The following COL4A1 variants were observed in gnomAD, a reference collection of about 807,000 sequenced individuals.
The protein encoded by COL4A1 is collagen type IV alpha 1 chain, also known as collagen alpha-1(IV) chain.
A neutral mutation model predicts 216.6 loss-of-function variants in COL4A1; 40 were observed. The ratio of observed to expected loss-of-function variants is 0.18; its 90% CI spans 0.14 to 0.24. The LOEUF (loss-of-function observed/expected upper bound fraction) is 0.24. Among genes scored for constraint, COL4A1 ranks in the 10% least tolerant of loss-of-function variants. The pLI is 1.00. For synonymous variants in COL4A1, 839 were observed against 810.7 expected (o/e 1.03, Z -0.59); for missense variants, 1,628 against 2,196.8 (o/e 0.74, Z 5.18).
In COL4A1 at chr13:110,152,384, T is replaced by C; in HGVS notation, c.4878A>G (p.Ala1626=). The C allele has an allele frequency of 3.7e-6, 6 of 1,614,180 alleles. No individual in the cohort carries two copies. The highest frequency in any genetic ancestry group is 5.1e-6 in the Non-Finnish European group (6 of 1,180,036). ...CHGRGTCNYY[A]NAYSFWLATI... is the part of the protein sequence containing the mutation. ...TGGCGAGCCAAAAGCTGTAAGCGTT[T>C]GCGTAGTAATTGCAGGTCCCACGGC... The change falls in exon 51 of 52, where the codon GCA becomes GCG. Residue 1626 remains alanine (A), a synonymous_variant. Transcript: ENST00000375820.
intron 41 of COL4A1, among the ~76,000 whole-genome samples, chr13:110,172,277 GCT>G (rs1877682031): frequency 6.6e-6 from 1 of 152,210 alleles, no homozygotes; most frequent in Non-Finnish European, 1.5e-5. Flanking sequence ...GCCTTCCCAA[GCT>G]CCTGGCCAAC....
chr13:110,161,181 G>T lies in COL4A1; in HGVS notation c.4640+11C>A. ...CAATTTTGCATTTGTTCCTACAGAT[G>T]CTCGACTCACCTACTAATAAATGGT... On this transcript the variant is annotated intron_variant, in intron 49 of 51. Transcript: ENST00000375820. 6.2e-7 allele frequency: 1 copy of T among 1,613,820 alleles called. No individual in the cohort carries two copies. Among genetic ancestry groups the T allele is most frequent in the African/African-American group, 1.3e-5 (1 of 75,036 alleles).
chr13:110,165,221 G>A (rs867711549), intron 45 of COL4A1, among the ~76,000 whole-genome samples: 1 of 152,130 alleles, frequency 6.6e-6, no homozygotes, highest in Non-Finnish European at 1.5e-5. Context: ...GGGCATCAGC[G>A]TAACTTCCCA....
chr13:110,300,409 T>C (rs552445807), intron 1 of COL4A1, among the ~76,000 whole-genome samples: 1 of 152,220 alleles, frequency 6.6e-6, no homozygotes, highest in Non-Finnish European at 1.5e-5. Flanking sequence ...AAACATTGAA[T>C]TACAGCTGGA....
rs1006770077 is a variant in COL4A1 at position 110,191,567 on chromosome 13, G to A, written c.1536+647C>T. ...GATTCTTTTAAAACAAACTACAAAAGCTAAGAAGCTGGTATTTTGTTCCAT... is the reference window on the plus strand; with the variant it reads ...GATTCTTTTAAAACAAACTACAAAAACTAAGAAGCTGGTATTTTGTTCCAT... On this transcript the variant is annotated intron_variant, in intron 24 of 51. Transcript: ENST00000375820. 5.1e-5 allele frequency: 32 copies of A among 625,976 alleles called. No homozygotes were observed. The African/African-American group carries it at 5.9e-4, about 12-fold the overall frequency. The allele number at this position is 625,976 out of a possible 1,614,324, so 38.8% of individuals were successfully genotyped here.
Position 110,261,035 on chromosome 13 carries a change from T to TAAAAAAAAAAAAAA in COL4A1, c.85-18302_85-18301insTTTTTTTTTTTTTT, listed in dbSNP as rs1303970828. 8.4e-3 allele frequency among the ~76,000 whole-genome samples: 353 copies of TAAAAAAAAAAAAAA among 42,098 alleles called. 36 individuals are homozygous for TAAAAAAAAAAAAAA. Among genetic ancestry groups the TAAAAAAAAAAAAAA allele is most frequent in the Middle Eastern group, 0.02 (1 of 50 alleles). The allele number at this position is 42,098 out of a possible 152,430, so 27.6% of individuals were successfully genotyped here. On this transcript the variant is annotated intron_variant, in intron 1 of 51. Transcript: ENST00000375820. ...CTGGGTGACAGAGCGAGACTCCGTCTCAAAAAAAAAAAAAAAAAAGGCCAA... is the reference window on the plus strand; with the variant it reads ...CTGGGTGACAGAGCGAGACTCCGTCTAAAAAAAAAAAAAACAAAAAAAAAAAAAAAAAAGGCCAA...
intron 1 of COL4A1, among the ~76,000 whole-genome samples, chr13:110,284,000 G>A (rs1472614439): frequency 6.6e-6 from 1 of 152,086 alleles, no homozygotes; most frequent in Non-Finnish European, 1.5e-5. Flanking sequence ...TCTGTCCGGT[G>A]ATGGCCACAG....
intron 36 of COL4A1, 141 bp from the exon 37 acceptor site, chr13:110,175,498 T>C: frequency 1.4e-6 from 2 of 1,426,150 alleles, no homozygotes; most frequent in Non-Finnish European, 1.9e-6. Context: ...GATACAAGAA[T>C]GCACATCCCT....
At position 110,198,585 on chromosome 13, in the gene COL4A1, T is replaced by G. The variant is rs1238762876; in HGVS notation, c.1167A>C (p.Glu389Asp). 6.2e-7 allele frequency: 1 copy of G among 1,614,038 alleles called. No homozygotes were observed. Among genetic ancestry groups the G allele is most frequent in the Non-Finnish European group, 8.5e-7 (1 of 1,180,014 alleles). ...ATCCTCGGTCACCTTTTTCTCCTCT[T>G]TCACCAGGGAAGCCAGGGGCACCAG... Reference protein sequence around the residue: ...GQAGAPGFPGERGEKGDRGFP... With the variant: ...GQAGAPGFPGDRGEKGDRGFP... Residue 389 changes from glutamate (E) to aspartate (D), a missense_variant, in exon 21 of 52, where the codon GAA becomes GAC. Around this residue, in one of 8 missense-constraint regions of COL4A1, gnomAD observed 701 missense variants for 892.5 expected, o/e 0.79. Transcript: ENST00000375820.
intron 1 of COL4A1, among the ~76,000 whole-genome samples, chr13:110,243,871 C>T (rs1047013556): frequency 6.6e-6 from 1 of 152,170 alleles, no homozygotes; most frequent in South Asian, 2.1e-4. Flanking sequence ...GAAATTAGAA[C>T]CCAACTTCAA....
intron 33 of COL4A1, among the ~76,000 whole-genome samples, chr13:110,177,569 C>G (rs891703032): frequency 1.3e-5 from 2 of 152,122 alleles, no homozygotes; most frequent in Admixed American, 6.5e-5. Context: ...GCTGAAGATT[C>G]CACCATTTCT....
At chr13:110,293,594 A>G (rs1307959367) in intron 1 of COL4A1, among the ~76,000 whole-genome samples, 3 of 152,224 alleles carry the variant, frequency 2.0e-5, no homozygotes, top group Non-Finnish European at 1.5e-5. Flanking sequence ...ACCCAAACTC[A>G]GGCCTGCACT....
At chr13:110,195,350 T>C (rs767650636) in intron 21 of COL4A1, among the ~76,000 whole-genome samples, 3 of 152,208 alleles carry the variant, frequency 2.0e-5, no homozygotes, top group Admixed American at 6.5e-5. Context: ...CATTTCTATT[T>C]CACAAATTCT....
chr13:110,178,214 C>T lies in COL4A1; in HGVS notation c.2476G>A (p.Gly826Arg), dbSNP rs779859277. Residue 826 changes from glycine to arginine, a missense_variant, in exon 32 of 52, where the codon GGA becomes AGA. Gly to Arg is a moderately radical substitution (Grantham distance 125). Coordinates refer to ENST00000375820, the MANE Select transcript of COL4A1 (RefSeq NM_001845.6). ...PGLSGPPGIK[G>R]EKGFPGFPGL... ...GGGAATCCGGGGAAACCCTTCTCTC[C>T]TTTTATTCCAGGAGGGCCTGCAGTT... 1 of 1,614,018 alleles carries T rather than the reference C, an allele frequency of 6.2e-7. No individual in the cohort carries two copies. Among genetic ancestry groups the T allele is most frequent in the Non-Finnish European group, 8.5e-7 (1 of 1,180,042 alleles).
intron 20 of COL4A1, among the ~76,000 whole-genome samples, chr13:110,199,039 A>C (rs979314102): frequency 6.6e-6 from 1 of 152,246 alleles, no homozygotes; most frequent in Non-Finnish European, 1.5e-5. Flanking sequence ...TCTAGAAGAA[A>C]GAGCAGAAAA....
intron 1 of COL4A1, among the ~76,000 whole-genome samples, chr13:110,277,723 G>C (rs772816589): frequency 2.0e-5 from 3 of 152,150 alleles, no homozygotes; most frequent in Non-Finnish European, 2.9e-5. Context: ...ATTCACTCTG[G>C]GTGACTCAGG....
intron 1 of COL4A1, among the ~76,000 whole-genome samples, chr13:110,297,673 T>C (rs2139319366): frequency 6.6e-6 from 1 of 152,250 alleles, no homozygotes; most frequent in Non-Finnish European, 1.5e-5. Context: ...ACAGTGCAAG[T>C]GCTAAATTTT....
intron 1 of COL4A1, among the ~76,000 whole-genome samples, chr13:110,261,476 G>A (rs533309032): frequency 2.0e-5 from 3 of 152,364 alleles, no homozygotes; most frequent in Admixed American, 2.0e-4. Context: ...CCCCAGTGCT[G>A]CTTCTGTGGC....
At chr13:110,185,611 C>T (rs924574208) in intron 26 of COL4A1, among the ~76,000 whole-genome samples, 28 of 152,192 alleles carry the variant, frequency 1.8e-4, no homozygotes, top group Admixed American at 2.0e-4. Context: ...CTTCTCATTC[C>T]GGGATTTTCT....
Sources: allele counts gnomAD v4.1 joint callset (sites outside exome capture counted in the v4.1 genomes callset), GRCh38; gene constraint gnomAD v4.1.1; regional missense constraint gnomAD v4.1.1; transcripts MANE v1.5; gene names NCBI Gene and HGNC (gene_info 2026-07-23, HGNC 2026-07-21).